Variants in SERPINB2 observed in about 807,000 individuals in gnomAD.
The protein encoded by SERPINB2 is serpin family B member 2.
Under a neutral mutation model 39.4 loss-of-function variants are expected in SERPINB2, and 28 were observed. The observed-to-expected ratio is 0.71, with a 90% CI of 0.53 to 0.97. SERPINB2 has a LOEUF of 0.97. Ranked by LOEUF, SERPINB2 falls within the 50% of genes least tolerant of loss-of-function variation. The probability of loss-of-function intolerance (pLI) is 0.00; values close to 1 mark genes in which losing one functional copy is unlikely to be tolerated. For missense variants in SERPINB2, 557 were observed against 505.3 expected (o/e 1.10, Z -0.98); for synonymous variants, 209 against 175.1 (o/e 1.19, Z -1.53).
At chr18:63,891,680 G>C in intron 2 of SERPINB2, 68 bp downstream of exon 2, 1 of 1,481,192 alleles carries the variant, frequency 6.8e-7, no homozygotes, top group Non-Finnish European at 9.2e-7. Context: ...AACTGCTCTT[G>C]TTTTATGCTA....
At position 63,903,287 on chromosome 18, in the gene SERPINB2, C is replaced by A. The variant is rs1431373205; in HGVS notation, c.1230C>A (p.Gly410=). Residue 410 remains glycine (G), a synonymous_variant, in exon 8 of 8, where the codon GGC becomes GGA. Coordinates refer to ENST00000299502, the MANE Select transcript of SERPINB2 (RefSeq NM_002575.3). ...HKITNCILFF[G]RFSSP is the part of the protein sequence containing the mutation. ...TAACCAACTGCATTTTATTTTTCGG[C>A]AGATTTTCCTCACCCTAAAACTAAG... is the stretch of plus-strand genomic sequence containing the variant. 6.5e-7 allele frequency: 1 copy of A among 1,531,434 alleles called. No individual in the cohort carries two copies. Among genetic ancestry groups the A allele is most frequent in the East Asian group, 2.3e-5 (1 of 43,818 alleles). The allele number at this position is 1,531,434 out of a possible 1,614,324, so 94.9% of individuals were successfully genotyped here.
At position 63,902,504 on chromosome 18, in the gene SERPINB2, G is replaced by A; in HGVS notation, c.779G>A (p.Gly260Glu). The A allele has an allele frequency of 6.2e-7, 1 of 1,613,660 alleles. No individual in the cohort carries two copies. Among genetic ancestry groups the A allele is most frequent in the South Asian group, 1.1e-5 (1 of 91,048 alleles). The change falls in exon 7 of 8, where the codon GGA becomes GAA. Residue 260 changes from glycine to glutamate, a missense_variant. By Grantham distance (98) the Gly-to-Glu change is moderately conservative. Coordinates refer to ENST00000299502, the MANE Select transcript of SERPINB2 (RefSeq NM_002575.3). ...CAGATTCTAGAACTCCCATATGCTGGAGATGTTAGCATGTTCTTGTTGCTT... is the reference window on the plus strand; with the variant it reads ...CAGATTCTAGAACTCCCATATGCTGAAGATGTTAGCATGTTCTTGTTGCTT... ...KAQILELPYA[G>E]DVSMFLLLPD... is the part of the protein sequence containing the mutation.
chr18:63,902,496 A>G lies in SERPINB2; in HGVS notation c.771A>G (p.Pro257=). 6.2e-7 allele frequency: 1 copy of G among 1,613,734 alleles called. No individual in the cohort carries two copies. Among genetic ancestry groups the G allele is most frequent in the Non-Finnish European group, 8.5e-7 (1 of 1,179,746 alleles). ...TAAAGGCTCAGATTCTAGAACTCCC[A>G]TATGCTGGAGATGTTAGCATGTTCT... is the stretch of plus-strand genomic sequence containing the variant. ...EDLKAQILEL[P]YAGDVSMFLL... is the part of the protein sequence containing the mutation. The change falls in exon 7 of 8, where the codon CCA becomes CCG. Residue 257 remains proline (P), a synonymous_variant. Transcript: ENST00000299502.
chr18:63,900,958 A>G (rs2049987671), intron 5 of SERPINB2, among the ~76,000 whole-genome samples: 1 of 152,176 alleles, frequency 6.6e-6, no homozygotes, highest in Non-Finnish European at 1.5e-5. Context: ...TGACACTAAT[A>G]AAACCCACCT....
chr18:63,903,113 T>A lies in SERPINB2; in HGVS notation c.1056T>A (p.Ser352=), dbSNP rs376349050. Residue 352 remains serine (S), a synonymous_variant, in exon 8 of 8, where the codon TCT becomes TCA. Transcript: ENST00000299502. ...CGGAGAGGAATGACCTGTTTCTTTC[T>A]GAAGTGTTCCACCAAGCCATGGTGG... is the stretch of plus-strand genomic sequence containing the variant. ...GMSERNDLFL[S]EVFHQAMVDV... The A allele has an allele frequency of 1.2e-6, 2 of 1,613,618 alleles. No homozygotes were observed. The highest frequency in any genetic ancestry group is 1.7e-6 in the Non-Finnish European group (2 of 1,179,794).
At chr18:63,894,800 C>T (rs968047997) in intron 2 of SERPINB2, among the ~76,000 whole-genome samples, 8 of 152,106 alleles carry the variant, frequency 5.3e-5, no homozygotes, top group African/African-American at 9.7e-5. Flanking sequence ...TATTGCATGA[C>T]CTGTTTTATG....
At chr18:63,896,169 A>G (rs1437866617) in intron 3 of SERPINB2, among the ~76,000 whole-genome samples, 1 of 152,102 alleles carries the variant, frequency 6.6e-6, no homozygotes, top group Non-Finnish European at 1.5e-5. Flanking sequence ...TTGCCCAGGG[A>G]ATTATGGGCT....
At chr18:63,888,898 AC>A (rs758865165) in intron 1 of SERPINB2, among the ~76,000 whole-genome samples, 1 of 152,226 alleles carries the variant, frequency 6.6e-6, no homozygotes, top group Non-Finnish European at 1.5e-5. Context: ...ATTTCACAAT[AC>A]CCCATGACTT....
At chr18:63,891,378 A>G (rs1424381115) in intron 1 of SERPINB2, 58 bp from the exon 2 acceptor site, 97 of 1,578,744 alleles carry the variant, frequency 6.1e-5, no homozygotes, top group Non-Finnish European at 9.5e-6. Flanking sequence ...TGCTGACCTC[A>G]CCCAAAATGT....
chr18:63,895,938 ATCTG>A (rs1196598364), intron 3 of SERPINB2, among the ~76,000 whole-genome samples: 14 of 151,910 alleles, frequency 9.2e-5, no homozygotes, highest in Admixed American at 7.2e-4. Flanking sequence ...CTTCTCTGTC[ATCTG>A]TCTATCTTAT....
intron 5 of SERPINB2, among the ~76,000 whole-genome samples, chr18:63,899,388 A>C (rs1364747334): frequency 6.6e-6 from 1 of 152,178 alleles, no homozygotes; most frequent in Admixed American, 6.5e-5. Flanking sequence ...AAATTTGCAC[A>C]GTTTTTTGCT....
At chr18:63,892,118 A>C (rs746803700) in intron 2 of SERPINB2, among the ~76,000 whole-genome samples, 1 of 152,046 alleles carries the variant, frequency 6.6e-6, no homozygotes, top group Non-Finnish European at 1.5e-5. Context: ...AAAGGGAAAA[A>C]AAAAAAAACA....
chr18:63,888,670 G>T (rs113349962), intron 1 of SERPINB2, among the ~76,000 whole-genome samples: 1 of 152,150 alleles, frequency 6.6e-6, no homozygotes, highest in African/African-American at 2.4e-5. Context: ...TTCCTTCCCT[G>T]TGCCAAGTTT....
At chr18:63,893,086 C>A (rs184158670) in intron 2 of SERPINB2, among the ~76,000 whole-genome samples, 1 of 152,074 alleles carries the variant, frequency 6.6e-6, no homozygotes, top group Admixed American at 6.6e-5. Flanking sequence ...GCGCCTGCCA[C>A]GATGCCCATC....
intron 2 of SERPINB2, among the ~76,000 whole-genome samples, chr18:63,893,452 C>A (rs2049939765): frequency 1.3e-5 from 2 of 150,868 alleles, no homozygotes; most frequent in South Asian, 4.2e-4. Context: ...TTTTGAGACT[C>A]TATATATATC....
chr18:63,901,116 C>G (rs2049988454), intron 5 of SERPINB2, among the ~76,000 whole-genome samples: 2 of 152,024 alleles, frequency 1.3e-5, no homozygotes, highest in Non-Finnish European at 2.9e-5. Flanking sequence ...CGGGCTTACT[C>G]CTTCACTCCC....
At chr18:63,889,224 C>G (rs755206058) in intron 1 of SERPINB2, among the ~76,000 whole-genome samples, 7 of 152,200 alleles carry the variant, frequency 4.6e-5, no homozygotes, top group Non-Finnish European at 8.8e-5. Context: ...GACTGCCATA[C>G]AGACATCAAA....
chr18:63,897,840 C>A lies in SERPINB2; in HGVS notation c.531C>A (p.Thr177=). Residue 177 remains threonine, a synonymous_variant, in exon 5 of 8, where the codon ACC becomes ACA. Coordinates refer to ENST00000299502, the MANE Select transcript of SERPINB2 (RefSeq NM_002575.3). ...KKINSWVKTQ[T]KGKIPNLLPE... ...TTAATTCCTGGGTCAAGACTCAAAC[C>A]AAAGGTAAATCCAAGAAAATATTTT... 3.8e-6 allele frequency: 6 copies of A among 1,568,880 alleles called. No homozygotes were observed. The highest frequency in any genetic ancestry group is 1.4e-5 in the African/African-American group (1 of 73,126).
chr18:63,893,434 C>CTTTTT (rs34100904), intron 2 of SERPINB2, among the ~76,000 whole-genome samples: 5 of 148,026 alleles, frequency 3.4e-5, no homozygotes, highest in African/African-American at 9.9e-5. Flanking sequence ...TCTATATAGT[C>CTTTTT]TTTTTTTTTT....
Sources: allele counts gnomAD v4.1 joint callset (sites outside exome capture counted in the v4.1 genomes callset), GRCh38; gene constraint gnomAD v4.1.1; transcripts MANE v1.5; gene names NCBI Gene and HGNC (gene_info 2026-07-23, HGNC 2026-07-21).